ZMYND19: variants seen among roughly 807,000 people sequenced by gnomAD.
The protein encoded by ZMYND19 is zinc finger MYND domain-containing protein 19.
In ZMYND19, 17 loss-of-function variants were observed where a neutral mutation model predicts 32.0. The ratio of observed to expected loss-of-function variants is 0.53; its 90% CI spans 0.36 to 0.80. The LOEUF (loss-of-function observed/expected upper bound fraction) is 0.80, where lower values mean the gene tolerates loss of function less well. Ranked by LOEUF, ZMYND19 falls within the 30% of genes least tolerant of loss-of-function variation. The probability of loss-of-function intolerance (pLI) is 0.00; values close to 1 mark genes in which losing one functional copy is unlikely to be tolerated. For missense variants in ZMYND19, 250 were observed against 293.6 expected (o/e 0.85, Z 1.09); for synonymous variants, 124 against 113.6 (o/e 1.09, Z -0.58).
intron 4 of ZMYND19, among the ~76,000 whole-genome samples, chr9:137,585,613 G>A (rs1238180133): frequency 2.0e-5 from 3 of 152,138 alleles, no homozygotes; most frequent in African/African-American, 4.8e-5. Flanking sequence ...GAGGCCCAGT[G>A]AGGAAGGGAT....
intron 4 of ZMYND19, among the ~76,000 whole-genome samples, chr9:137,584,465 A>T (rs1842181901): frequency 6.6e-6 from 1 of 152,218 alleles, no homozygotes; most frequent in African/African-American, 2.4e-5. Context: ...GAGAGGATTC[A>T]AGGTAACATT....
chr9:137,583,730 G>A (rs983301949), intron 4 of ZMYND19, among the ~76,000 whole-genome samples: 1 of 152,156 alleles, frequency 6.6e-6, no homozygotes, highest in African/African-American at 2.4e-5. Context: ...CCCGTTCTCC[G>A]AAGCCAGACC....
chr9:137,589,672 T>A, intron 1 of ZMYND19: 3 of 985,448 alleles, frequency 3.0e-6, no homozygotes, highest in Non-Finnish European at 3.6e-6. Flanking sequence ...GCTCCGAGTC[T>A]GAGGCTCAGC....
chr9:137,587,594 C>T, intron 3 of ZMYND19, 123 bp downstream of exon 3: 2 of 814,374 alleles, frequency 2.5e-6, no homozygotes, highest in Non-Finnish European at 4.1e-6. Context: ...ACAAAAATAA[C>T]TGCGAGATTC....
At position 137,582,361 on chromosome 9, in the gene ZMYND19, T is replaced by C. The variant is rs537663785; in HGVS notation, c.*182A>G. 49 of 749,572 alleles carry C rather than the reference T, an allele frequency of 6.5e-5. 1 individual carries two copies. The African/African-American group carries it at 8.2e-4, about 12-fold the overall frequency. The allele number at this position is 749,572 out of a possible 1,614,324, so 46.4% of individuals were successfully genotyped here. Reference sequence around the variant, plus strand: ...TGGGAGCCTCCTCCGTTGTCTCTGCTGGAGATGAACACTGAGGGGCGCTGT... The same window carrying C: ...TGGGAGCCTCCTCCGTTGTCTCTGCCGGAGATGAACACTGAGGGGCGCTGT... On this transcript the variant is annotated 3_prime_UTR_variant, in exon 6 of 6. Coordinates refer to ENST00000298585, the MANE Select transcript of ZMYND19 (RefSeq NM_138462.3).
In ZMYND19 at chr9:137,582,383, C is replaced by T; in HGVS notation, c.*160G>A. 1 of 1,002,606 alleles carries T rather than the reference C, an allele frequency of 1.0e-6. No homozygotes were observed. Among genetic ancestry groups the T allele is most frequent in the African/African-American group, 1.6e-5 (1 of 61,500 alleles). The allele number at this position is 1,002,606 out of a possible 1,614,324, so 62.1% of individuals were successfully genotyped here. A position where few individuals can be genotyped will look rare whatever the true frequency, so the allele number is the denominator to read the frequency against. On this transcript the variant is annotated 3_prime_UTR_variant, in exon 6 of 6. Coordinates refer to ENST00000298585, the MANE Select transcript of ZMYND19 (RefSeq NM_138462.3). Reference sequence around the variant, plus strand: ...TGCTGGAGATGAACACTGAGGGGCGCTGTAACCACACAGACTGCCTGTGAC... The same window carrying T: ...TGCTGGAGATGAACACTGAGGGGCGTTGTAACCACACAGACTGCCTGTGAC...
chr9:137,582,961 GACCGCACTGCAGC>G lies in ZMYND19; in HGVS notation c.540+9_540+21del. 6.2e-7 allele frequency: 1 copy of G among 1,612,482 alleles called. No individual in the cohort carries two copies. The highest frequency in any genetic ancestry group is 1.3e-5 in the African/African-American group (1 of 75,050). On this transcript the variant is annotated intron_variant, in intron 5 of 5. Coordinates refer to ENST00000298585, the MANE Select transcript of ZMYND19 (RefSeq NM_138462.3). Reference sequence around the variant, plus strand: ...TACAGGGTAGAGGTGCCAGGGACGCGACCGCACTGCAGCACACCCACCTGCTTCTCAATCACTG... The same window carrying G: ...TACAGGGTAGAGGTGCCAGGGACGCGACACCCACCTGCTTCTCAATCACTG...
Position 137,589,593 on chromosome 9 carries a change from G to C in ZMYND19, c.51+620C>G, listed in dbSNP as rs1332008329. 2.4e-5 allele frequency: 24 copies of C among 985,342 alleles called. No homozygotes were observed. The Admixed American group carries it at 1.1e-3, about 45-fold the overall frequency. 61.0% of individuals were successfully genotyped at this position (985,342 alleles called of 1,614,324 possible). On this transcript the variant is annotated intron_variant, in intron 1 of 5. Coordinates refer to ENST00000298585, the MANE Select transcript of ZMYND19 (RefSeq NM_138462.3). ...CCAGCCTCAAACGTGGAGCGTGGGG[G>C]CCAAGTAAGAAGAGAAGTCGAGGAA...
At chr9:137,587,932 C>T in intron 2 of ZMYND19, 109 bp from the exon 3 acceptor site, 1 of 1,083,722 alleles carries the variant, frequency 9.2e-7, no homozygotes, top group Non-Finnish European at 1.4e-6. Context: ...GGGACAAATG[C>T]CAGCCCTGTC....
chr9:137,584,158 C>A (rs142835009), intron 4 of ZMYND19, among the ~76,000 whole-genome samples: 53 of 152,396 alleles, frequency 3.5e-4, no homozygotes, highest in African/African-American at 1.2e-3. Flanking sequence ...CTGCTCGGGG[C>A]CTGGGGTGCT....
At chr9:137,586,750 G>A (rs1251651756) in intron 4 of ZMYND19, among the ~76,000 whole-genome samples, 1 of 152,226 alleles carries the variant, frequency 6.6e-6, no homozygotes, top group African/African-American at 2.4e-5. Context: ...AATTATAAGA[G>A]GAGCAATGCA....
At chr9:137,588,867 C>T (rs185242211) in intron 1 of ZMYND19, 149 bp from the exon 2 acceptor site, 6 of 796,012 alleles carry the variant, frequency 7.5e-6, no homozygotes, top group Non-Finnish European at 1.2e-5. Context: ...CAGCTCAGCA[C>T]ATGGGGGCCT....
intron 4 of ZMYND19, among the ~76,000 whole-genome samples, chr9:137,585,374 C>T (rs1203791563): frequency 1.4e-5 from 2 of 146,724 alleles, no homozygotes; most frequent in Non-Finnish European, 3.0e-5. Flanking sequence ...GAGCCAAGGT[C>T]GCGCTACTCC....
intron 1 of ZMYND19, 85 bp from the exon 2 acceptor site, chr9:137,588,803 C>G (rs1440702919): frequency 6.6e-7 from 1 of 1,522,166 alleles, no homozygotes; most frequent in Non-Finnish European, 9.1e-7. Context: ...AGGCAGGAGC[C>G]TGTTGCATTT....
In ZMYND19 at chr9:137,590,360, C is replaced by CGGAGCCGGGGTCGGGGTA. The variant is rs1842259729; in HGVS notation, c.-115_-98dup. 1.2e-6 allele frequency: 1 copy of CGGAGCCGGGGTCGGGGTA among 819,506 alleles called. No homozygotes were observed. Among genetic ancestry groups the CGGAGCCGGGGTCGGGGTA allele is most frequent in the African/African-American group, 1.9e-5 (1 of 53,078 alleles). The allele number at this position is 819,506 out of a possible 1,614,324, so 50.8% of individuals were successfully genotyped here. ...GCGGCGCGCCGGGACAGGACGGGAC[C>CGGAGCCGGGGTCGGGGTA]GGAGCCGGGGTCGGGGTAGCAGCCA... On this transcript the variant is annotated 5_prime_UTR_variant, in exon 1 of 6. Coordinates refer to ENST00000298585, the MANE Select transcript of ZMYND19 (RefSeq NM_138462.3). This position sits in a 1 kb window ranked among gnomAD's most constrained non-coding sequence, Gnocchi z 4.2.
At position 137,587,359 on chromosome 9, in the gene ZMYND19, C is replaced by T. The variant is rs1009302424; in HGVS notation, c.219-252G>A. The T allele has an allele frequency of 9.4e-6, 6 of 637,482 alleles. No individual in the cohort carries two copies. In the East Asian group the frequency reaches 1.7e-4, roughly 18 times the overall value. 39.5% of individuals were successfully genotyped at this position (637,482 alleles called of 1,614,324 possible). A position where few individuals can be genotyped will look rare whatever the true frequency, so the allele number is the denominator to read the frequency against. The stretch of plus-strand genomic sequence containing the variant: ...CCCTGGACTTCAGAGCACAGACAGC[C>T]AAAGCTGGAACGCAAAACCACCTAA... On this transcript the variant is annotated intron_variant, in intron 3 of 5. Coordinates refer to ENST00000298585, the MANE Select transcript of ZMYND19 (RefSeq NM_138462.3).
intron 1 of ZMYND19, chr9:137,589,910 G>C: frequency 1.0e-6 from 1 of 985,180 alleles, no homozygotes; most frequent in Non-Finnish European, 1.2e-6. Context: ...ACGCGGCTCG[G>C]GCTCGAGCCA....
chr9:137,585,568 A>G (rs1842195364), intron 4 of ZMYND19, among the ~76,000 whole-genome samples: 1 of 152,080 alleles, frequency 6.6e-6, no homozygotes, highest in Non-Finnish European at 1.5e-5. Context: ...GCCCAACAAG[A>G]ACGAAAGACA....
intron 3 of ZMYND19, 181 bp downstream of exon 3, chr9:137,587,535 GA>G: frequency 1.6e-6 from 1 of 635,522 alleles, no homozygotes; most frequent in East Asian, 2.6e-5. Context: ...CTTGGTGTTT[GA>G]AGTGCAACAT....
Sources: allele counts gnomAD v4.1 joint callset (sites outside exome capture counted in the v4.1 genomes callset), GRCh38; gene constraint gnomAD v4.1.1; non-coding constraint Gnocchi (gnomAD v3.1); transcripts MANE v1.5; gene names NCBI Gene and HGNC (gene_info 2026-07-23, HGNC 2026-07-21).